The following CLEC19A variants were observed in gnomAD, a reference collection of about 807,000 sequenced individuals.
The protein encoded by CLEC19A is C-type lectin domain containing 19A, also known as C-type lectin domain family 19 member A.
A neutral mutation model predicts 26.1 loss-of-function variants in CLEC19A; 21 were observed. The ratio of observed to expected loss-of-function variants is 0.80; its 90% CI spans 0.57 to 1.16. CLEC19A has a LOEUF of 1.16. CLEC19A is among the 50% of genes most tolerant of loss of function. The pLI is 0.00. For synonymous variants in CLEC19A, 89 were observed against 88.6 expected, an observed-to-expected ratio of 1.00 and a Z score of -0.03; for missense variants, 224 against 227.6, an observed-to-expected ratio of 0.98 and a Z score of 0.10.
At chr16:19,300,535 G>A (rs1227722122) in intron 2 of CLEC19A, among the ~76,000 whole-genome samples, 1 of 138,206 alleles carries the variant, frequency 7.2e-6, no homozygotes, top group African/African-American at 2.9e-5. Flanking sequence ...GTGACAGAGC[G>A]AGATCCTATC....
At chr16:19,298,996 C>T (rs769946605) in intron 2 of CLEC19A, among the ~76,000 whole-genome samples, 158 bp downstream of exon 2, 23 of 152,234 alleles carry the variant, frequency 1.5e-4, no homozygotes, top group Non-Finnish European at 2.8e-4. Flanking sequence ...CACTCTTGAA[C>T]TCCTGAGCTC....
At chr16:19,297,292 T>C (rs1897724419) in intron 1 of CLEC19A, among the ~76,000 whole-genome samples, 1 of 152,220 alleles carries the variant, frequency 6.6e-6, no homozygotes, top group East Asian at 1.9e-4. Flanking sequence ...TCTTGCCAGA[T>C]AGTCCAGCAT....
At position 19,298,857 on chromosome 16, in the gene CLEC19A, G is replaced by A. The variant is rs939210554; in HGVS notation, c.254+19G>A. On this transcript the variant is annotated intron_variant, in intron 2 of 4. Coordinates refer to ENST00000636231, the MANE Select transcript of CLEC19A (RefSeq NM_001256720.2). ...TCCACAGGTAAGTGGGATCCCCAGT[G>A]CCCCATAGTTCAACTAAGCACCCCC... 2.6e-6 allele frequency: 4 copies of A among 1,544,836 alleles called. No individual in the cohort carries two copies. The highest frequency in any genetic ancestry group is 2.7e-5 in the African/African-American group (2 of 72,828).
At chr16:19,296,438 G>A (rs1213809213) in intron 1 of CLEC19A, among the ~76,000 whole-genome samples, 1 of 152,162 alleles carries the variant, frequency 6.6e-6, no homozygotes, top group Non-Finnish European at 1.5e-5. Context: ...ATCATTAATA[G>A]CCGTACATTA....
intron 1 of CLEC19A, among the ~76,000 whole-genome samples, chr16:19,293,046 G>A (rs1182761990): frequency 1.3e-5 from 2 of 152,134 alleles, no homozygotes; most frequent in African/African-American, 2.4e-5. Context: ...TGCAGAAGGG[G>A]AAGAAAGAAC....
At chr16:19,291,727 AAGG>A (rs771951984) in intron 1 of CLEC19A, among the ~76,000 whole-genome samples, 3 of 152,214 alleles carry the variant, frequency 2.0e-5, no homozygotes, top group Non-Finnish European at 4.4e-5. Flanking sequence ...CCAAGAGGTA[AAGG>A]AGGAGGGGGA....
intron 1 of CLEC19A, among the ~76,000 whole-genome samples, chr16:19,290,165 G>A (rs1897553229): frequency 6.6e-6 from 1 of 152,134 alleles, no homozygotes; most frequent in African/African-American, 2.4e-5. Context: ...TTCCACTGAT[G>A]TGTTTTCTTT....
chr16:19,292,898 A>G (rs1016043325), intron 1 of CLEC19A, among the ~76,000 whole-genome samples: 9 of 152,188 alleles, frequency 5.9e-5, no homozygotes, highest in Non-Finnish European at 1.0e-4. Flanking sequence ...GGCAAAGGGA[A>G]CACCTGTGAG....
intron 1 of CLEC19A, among the ~76,000 whole-genome samples, chr16:19,296,106 A>G (rs1185828061): frequency 6.6e-6 from 1 of 152,236 alleles, no homozygotes; most frequent in Non-Finnish European, 1.5e-5. Context: ...AACAGGCTCC[A>G]GTTTGGATAC....
Position 19,309,622 on chromosome 16 carries a change from T to C in CLEC19A, c.*539T>C, listed in dbSNP as rs1044674763. ...AATGTATTGTATTCCTGAAATTTGC[T>C]ACGAGAGTAATTTTTTTTTTTGAGA... On this transcript the variant is annotated 3_prime_UTR_variant, in exon 5 of 5. Transcript: ENST00000636231. 6.6e-6 allele frequency: 1 copy of C among 152,254 alleles called. No individual in the cohort carries two copies. Among genetic ancestry groups the C allele is most frequent in the African/African-American group, 2.4e-5 (1 of 41,314 alleles). The allele number at this position is 152,254 out of a possible 1,614,324, so 9.4% of individuals were successfully genotyped here.
At chr16:19,301,781 C>G in intron 2 of CLEC19A, among the ~76,000 whole-genome samples, 1 of 107,154 alleles carries the variant, frequency 9.3e-6, no homozygotes, top group Non-Finnish European at 1.8e-5. Flanking sequence ...TTAGCAGAGA[C>G]GGAGTTTCAC....
chr16:19,307,686 C>A lies in CLEC19A; in HGVS notation c.481+9C>A. On this transcript the variant is annotated intron_variant, in intron 4 of 4. Transcript: ENST00000636231. ...GTACAGGCCTACCAGTGGTGGGTAC[C>A]CCTGAGACCAAGGCTCTTGCAGGGG... The A allele has an allele frequency of 3.2e-6, 5 of 1,547,842 alleles. No homozygotes were observed. Among genetic ancestry groups the A allele is most frequent in the Non-Finnish European group, 4.4e-6 (5 of 1,146,620 alleles).
intron 1 of CLEC19A, among the ~76,000 whole-genome samples, chr16:19,297,969 C>T (rs1897738729): frequency 6.6e-6 from 1 of 151,954 alleles, no homozygotes; most frequent in African/African-American, 2.4e-5. Context: ...TACAGGTGGC[C>T]GGGTGCGGTG....
intron 1 of CLEC19A, among the ~76,000 whole-genome samples, chr16:19,294,118 G>A (rs1156252762): frequency 1.3e-5 from 2 of 151,150 alleles, no homozygotes; most frequent in South Asian, 2.1e-4. Flanking sequence ...CAACTTTTCT[G>A]TAAGTCTAAA....
rs1204299213 is a variant in CLEC19A at position 19,298,538 on chromosome 16, C to G, written c.89-135C>G. 4.4e-6 allele frequency: 4 copies of G among 901,574 alleles called. No homozygotes were observed. The African/African-American group carries it at 6.7e-5, about 15-fold the overall frequency. The allele number at this position is 901,574 out of a possible 1,614,324, so 55.8% of individuals were successfully genotyped here. On this transcript the variant is annotated intron_variant, in intron 1 of 4. Transcript: ENST00000636231. Reference sequence around the variant, plus strand: ...CTATGATCAAACCACTGCACTTCAGCCTGGGCAACAGAACGAGACCCTGTC... The same window carrying G: ...CTATGATCAAACCACTGCACTTCAGGCTGGGCAACAGAACGAGACCCTGTC...
At chr16:19,288,453 GGGCACA>G (rs747674878) in intron 1 of CLEC19A, among the ~76,000 whole-genome samples, 10 of 152,174 alleles carry the variant, frequency 6.6e-5, no homozygotes, top group Admixed American at 2.6e-4. Flanking sequence ...ATGCATAACA[GGGCACA>G]GGTCATGGGT....
At position 19,309,095 on chromosome 16, in the gene CLEC19A, C is replaced by T. The variant is rs944826251; in HGVS notation, c.*12C>T. ...TGACCATTCATTGATCCTGTCTTGT[C>T]CTACTGGTGTGAGCTCAACTCTAGT... On this transcript the variant is annotated 3_prime_UTR_variant, in exon 5 of 5. Transcript: ENST00000636231. 1.3e-6 allele frequency: 2 copies of T among 1,544,010 alleles called. No individual in the cohort carries two copies. The highest frequency in any genetic ancestry group is 2.4e-5 in the East Asian group (1 of 40,904).
At chr16:19,298,173 C>T (rs369290730) in intron 1 of CLEC19A, among the ~76,000 whole-genome samples, 514 of 147,542 alleles carry the variant, frequency 3.5e-3, no homozygotes, top group African/African-American at 0.012. Context: ...ACCCAGGAGG[C>T]GGAGGTTGCG....
intron 3 of CLEC19A, among the ~76,000 whole-genome samples, chr16:19,305,352 T>G (rs754252000): frequency 7.2e-5 from 11 of 152,136 alleles, no homozygotes; most frequent in Non-Finnish European, 1.5e-4. Context: ...GGAAGTTAAT[T>G]AAGGAAGACC....
Sources: gnomAD v4.1 joint callset for allele counts (sites outside exome capture counted in the v4.1 genomes callset) on GRCh38, gnomAD v4.1.1 for gene constraint, MANE v1.5 for transcripts, NCBI Gene and HGNC (gene_info 2026-07-23, HGNC 2026-07-21) for gene names.